GALNT7: variants seen among roughly 807,000 people sequenced by gnomAD.
GALNT7 encodes the protein N-acetylgalactosaminyltransferase 7.
In GALNT7, 60 loss-of-function variants were observed where a neutral mutation model predicts 82.1. That is an observed-to-expected ratio of 0.73 (90% confidence interval 0.59 to 0.91). The LOEUF (loss-of-function observed/expected upper bound fraction) is 0.91, where lower values mean the gene tolerates loss of function less well. GALNT7 is among the 40% of genes least tolerant of loss of function. The pLI is 0.00. For missense variants in GALNT7, 660 were observed against 804.2 expected (o/e 0.82, Z 2.17); for synonymous variants, 243 against 275.1 (o/e 0.88, Z 1.15).
intron 2 of GALNT7, among the ~76,000 whole-genome samples, chr4:173,258,844 C>T (rs1024761337): frequency 3.9e-5 from 6 of 152,202 alleles, no homozygotes; most frequent in African/African-American, 1.4e-4. Flanking sequence ...CTTCTTTTTA[C>T]AGGGAAAGTT....
At chr4:173,245,324 A>G (rs1411584930) in intron 1 of GALNT7, among the ~76,000 whole-genome samples, 1 of 152,054 alleles carries the variant, frequency 6.6e-6, no homozygotes, top group African/African-American at 2.4e-5. Context: ...TAAATTTGCA[A>G]TTTTGGTATT....
At chr4:173,315,070 G>A (rs1393110634) in intron 9 of GALNT7, among the ~76,000 whole-genome samples, 1 of 152,220 alleles carries the variant, frequency 6.6e-6, no homozygotes, top group East Asian at 1.9e-4. Context: ...ATACTGTCAA[G>A]AGGACTTAAG....
At chr4:173,173,214 CTTGTA>C (rs551639417) in intron 1 of GALNT7, among the ~76,000 whole-genome samples, 119 of 149,862 alleles carry the variant, frequency 7.9e-4, no homozygotes, top group South Asian at 3.6e-3. Flanking sequence ...TGTATACCTT[CTTGTA>C]TTGTATTTTA....
chr4:173,178,887 A>C (rs571100373), intron 1 of GALNT7, among the ~76,000 whole-genome samples: 1 of 152,368 alleles, frequency 6.6e-6, no homozygotes, highest in African/African-American at 2.4e-5. Flanking sequence ...GTCACATACT[A>C]TCGGAAACCA....
At chr4:173,311,005 C>A in intron 8 of GALNT7, among the ~76,000 whole-genome samples, 1 of 152,178 alleles carries the variant, frequency 6.6e-6, no homozygotes, top group Non-Finnish European at 1.5e-5. Context: ...CCACCACGCC[C>A]AGCCTATATC....
intron 1 of GALNT7, among the ~76,000 whole-genome samples, chr4:173,205,317 G>A (rs1733052218): frequency 6.6e-6 from 1 of 151,348 alleles, no homozygotes; most frequent in Non-Finnish European, 1.5e-5. Flanking sequence ...TCTTGAGTGT[G>A]AGTCTACAGA....
At chr4:173,266,868 GGTGTGTGTGTGTGTGTGTGTGT>G (rs71596614) in intron 2 of GALNT7, among the ~76,000 whole-genome samples, 31 of 95,078 alleles carry the variant, frequency 3.3e-4, no homozygotes, top group African/African-American at 6.9e-4. Context: ...GGCTGGGAAG[GGTGTGTGTGTGTGTGTGTGTGT>G]GTGTGTGTGT....
chr4:173,178,444 G>T (rs1056616951), intron 1 of GALNT7, among the ~76,000 whole-genome samples: 4 of 152,306 alleles, frequency 2.6e-5, no homozygotes, highest in Non-Finnish European at 5.9e-5. Context: ...AACATGAACT[G>T]CAGTCACCTA....
At chr4:173,243,626 G>A (rs1001351825) in intron 1 of GALNT7, among the ~76,000 whole-genome samples, 1 of 152,180 alleles carries the variant, frequency 6.6e-6, no homozygotes, top group Non-Finnish European at 1.5e-5. Flanking sequence ...ATTAAGATTT[G>A]ATGTGATTAT....
chr4:173,216,725 A>ATT (rs1277080433), intron 1 of GALNT7, among the ~76,000 whole-genome samples: 135 of 8,436 alleles, frequency 0.016, 3 homozygotes, highest in African/African-American at 0.024. Flanking sequence ...ATATATATAT[A>ATT]TATTTTTTTT....
At chr4:173,311,178 C>T (rs995451953) in intron 8 of GALNT7, among the ~76,000 whole-genome samples, 16 of 152,186 alleles carry the variant, frequency 1.1e-4, no homozygotes, top group African/African-American at 2.2e-4. Flanking sequence ...ACCACTCCTT[C>T]GAGATGGGGC....
At chr4:173,182,359 C>G (rs1304025569) in intron 1 of GALNT7, among the ~76,000 whole-genome samples, 2 of 152,052 alleles carry the variant, frequency 1.3e-5, no homozygotes, top group African/African-American at 4.8e-5. Flanking sequence ...TTTTTGTTTT[C>G]TGGTGAATTG....
chr4:173,280,900 G>C (rs1736087832), intron 2 of GALNT7, among the ~76,000 whole-genome samples: 1 of 152,176 alleles, frequency 6.6e-6, no homozygotes, highest in African/African-American at 2.4e-5. Flanking sequence ...ATCTCACAGT[G>C]ACAAACCAGA....
At chr4:173,259,706 C>A (rs1735186483) in intron 2 of GALNT7, among the ~76,000 whole-genome samples, 1 of 152,170 alleles carries the variant, frequency 6.6e-6, no homozygotes, top group Non-Finnish European at 1.5e-5. Context: ...GGCACGATCT[C>A]AGCTCACTGC....
intron 1 of GALNT7, among the ~76,000 whole-genome samples, chr4:173,176,313 G>A (rs933212046): frequency 1.3e-5 from 2 of 152,188 alleles, no homozygotes; most frequent in African/African-American, 4.8e-5. Context: ...AGGTAGTACA[G>A]TACGGGATGA....
chr4:173,261,528 T>C (rs944216283), intron 2 of GALNT7, among the ~76,000 whole-genome samples: 25 of 152,068 alleles, frequency 1.6e-4, no homozygotes, highest in Admixed American at 1.6e-3. Flanking sequence ...AAAAAATAGA[T>C]AGCTACAGCT....
chr4:173,302,004 G>T lies in GALNT7; in HGVS notation c.1149-43G>T, dbSNP rs139127351. The stretch of plus-strand genomic sequence containing the variant: ...CTTGCCTATTGGTGAAGGGTTATTG[G>T]GGGTTTGTCTGTAATGGTTATTGCA... On this transcript the variant is annotated intron_variant, in intron 6 of 11. Transcript: ENST00000265000. This position sits in a 1 kb window ranked among gnomAD's most constrained non-coding sequence, Gnocchi z 4.2. The T allele has an allele frequency of 1.1e-6, 1 of 898,522 alleles. No homozygotes were observed. The highest frequency in any genetic ancestry group is 2.4e-5 in the East Asian group (1 of 41,620). 55.7% of individuals were successfully genotyped at this position (898,522 alleles called of 1,614,324 possible). A position where few individuals can be genotyped will look rare whatever the true frequency, so the allele number is the denominator to read the frequency against.
intron 1 of GALNT7, among the ~76,000 whole-genome samples, chr4:173,234,534 A>T (rs1268608709): frequency 6.6e-6 from 1 of 152,012 alleles, no homozygotes; most frequent in Non-Finnish European, 1.5e-5. Context: ...GTCATTCTTC[A>T]TACCTCCCTC....
intron 7 of GALNT7, among the ~76,000 whole-genome samples, chr4:173,303,283 A>G (rs1274495576): frequency 6.6e-6 from 1 of 152,216 alleles, no homozygotes; most frequent in Non-Finnish European, 1.5e-5. Flanking sequence ...GTAAGCACAG[A>G]TAAGGGATGG....
Sources: gnomAD v4.1 joint callset for allele counts (sites outside exome capture counted in the v4.1 genomes callset) on GRCh38, gnomAD v4.1.1 for gene constraint, Gnocchi (gnomAD v3.1) non-coding constraint, MANE v1.5 for transcripts, NCBI Gene and HGNC (gene_info 2026-07-23, HGNC 2026-07-21) for gene names.